The following GABBR2 variants were observed in gnomAD, a reference collection of about 807,000 sequenced individuals.
The protein encoded by GABBR2 is G-protein coupled receptor 51.
A neutral mutation model predicts 105.6 loss-of-function variants in GABBR2; 23 were observed. The observed-to-expected ratio is 0.22, with a 90% CI of 0.16 to 0.31. GABBR2 has a LOEUF of 0.31. Among genes scored for constraint, GABBR2 ranks in the 10% least tolerant of loss-of-function variants. The pLI is 1.00. For synonymous variants in GABBR2, 478 were observed against 499.7 expected (o/e 0.96, Z 0.58); for missense variants, 734 against 1,245.5 (o/e 0.59, Z 6.18).
chr9:98,519,710 C>CTTT (rs11386577), intron 3 of GABBR2, among the ~76,000 whole-genome samples: 6 of 142,550 alleles, frequency 4.2e-5, no homozygotes, highest in Non-Finnish European at 4.6e-5. Context: ...GAGCCGGCAA[C>CTTT]TTTTTTTTTT....
intron 2 of GABBR2, among the ~76,000 whole-genome samples, chr9:98,556,805 G>T (rs193001355): frequency 3.6e-4 from 55 of 152,340 alleles, no homozygotes; most frequent in African/African-American, 1.3e-3. Context: ...AGCACTTTGG[G>T]AGGCTGAGGT....
intron 1 of GABBR2, among the ~76,000 whole-genome samples, chr9:98,672,456 C>A (rs1295220947): frequency 1.3e-5 from 2 of 152,250 alleles, no homozygotes; most frequent in African/African-American, 4.8e-5. Flanking sequence ...ATTCAAACCA[C>A]TTTCTTCTTC....
intron 14 of GABBR2, among the ~76,000 whole-genome samples, chr9:98,308,507 T>C (rs1830586294): frequency 6.6e-6 from 1 of 152,040 alleles, no homozygotes; most frequent in Admixed American, 6.6e-5. Flanking sequence ...GGAAAAAGGG[T>C]ATTTGCAGAT....
At chr9:98,326,883 C>T (rs759540392) in intron 13 of GABBR2, among the ~76,000 whole-genome samples, 2 of 152,180 alleles carry the variant, frequency 1.3e-5, no homozygotes, top group Non-Finnish European at 2.9e-5. Flanking sequence ...CCTCTTTGTA[C>T]TATATGGGGA....
At chr9:98,503,782 T>C (rs1827450335) in intron 3 of GABBR2, among the ~76,000 whole-genome samples, 1 of 152,246 alleles carries the variant, frequency 6.6e-6, no homozygotes, top group East Asian at 1.9e-4. Flanking sequence ...GTGGTTAGGA[T>C]GCTGGCTGGG....
chr9:98,531,013 G>A (rs1047594324), intron 3 of GABBR2, among the ~76,000 whole-genome samples: 1 of 152,138 alleles, frequency 6.6e-6, no homozygotes. Context: ...CCTGGTGAGG[G>A]TGCTGAGGTC....
chr9:98,617,027 G>A (rs1400836378), intron 1 of GABBR2, among the ~76,000 whole-genome samples: 1 of 152,160 alleles, frequency 6.6e-6, no homozygotes, highest in Non-Finnish European at 1.5e-5. Flanking sequence ...GGTACTGCAT[G>A]TCAGTTCTAA....
chr9:98,305,288 C>T (rs1830533662), intron 15 of GABBR2, among the ~76,000 whole-genome samples: 1 of 151,870 alleles, frequency 6.6e-6, no homozygotes, highest in Non-Finnish European at 1.5e-5. Context: ...TTTTTTGGAC[C>T]CAACAATACT....
chr9:98,368,631 A>T lies in GABBR2; in HGVS notation c.1770+2833T>A, dbSNP rs1175472418. Among the ~76,000 whole-genome samples, 3 of 152,240 alleles carry T rather than the reference A, an allele frequency of 2.0e-5. No individual in the cohort carries two copies. The East Asian group carries it at 5.8e-4, about 29-fold the overall frequency. ...GACGGTTGATGTGTTCTTGCTTGGC[A>T]GTCATGTTAGAGAGCATAAAGGCAG... On this transcript the variant is annotated intron_variant, in intron 12 of 18. Transcript: ENST00000259455.
chr9:98,373,630 C>T (rs1258473079), intron 11 of GABBR2, among the ~76,000 whole-genome samples: 1 of 152,188 alleles, frequency 6.6e-6, no homozygotes, highest in Non-Finnish European at 1.5e-5. Context: ...GACCTCAGCA[C>T]ACTTGTAAAG....
intron 1 of GABBR2, among the ~76,000 whole-genome samples, chr9:98,621,688 A>T (rs1161064097): frequency 6.6e-6 from 1 of 152,192 alleles, no homozygotes; most frequent in Non-Finnish European, 1.5e-5. Flanking sequence ...CTCATTTCTG[A>T]ATCATAAACT....
intron 13 of GABBR2, among the ~76,000 whole-genome samples, chr9:98,346,859 C>G (rs529360430): frequency 5.1e-4 from 77 of 152,260 alleles, no homozygotes; most frequent in Non-Finnish European, 1.0e-3. Flanking sequence ...ACTTATTTCA[C>G]TTAACATAAT....
At chr9:98,601,551 T>C (rs1429327343) in intron 1 of GABBR2, among the ~76,000 whole-genome samples, 1 of 152,024 alleles carries the variant, frequency 6.6e-6, no homozygotes, top group Non-Finnish European at 1.5e-5. Flanking sequence ...AATAAATAAA[T>C]CAATAAACAA....
intron 7 of GABBR2, among the ~76,000 whole-genome samples, chr9:98,452,721 C>T (rs1416816912): frequency 6.6e-6 from 1 of 152,174 alleles, no homozygotes; most frequent in Non-Finnish European, 1.5e-5. Flanking sequence ...TGCTTATTTT[C>T]CCAACTTCCA....
intron 3 of GABBR2, among the ~76,000 whole-genome samples, chr9:98,525,968 G>A (rs1189305734): frequency 6.6e-6 from 1 of 152,186 alleles, no homozygotes; most frequent in Non-Finnish European, 1.5e-5. Flanking sequence ...CAAATCTATA[G>A]AGACAGAAAG....
intron 1 of GABBR2, among the ~76,000 whole-genome samples, chr9:98,626,775 G>A (rs1161184613): frequency 2.6e-5 from 4 of 152,244 alleles, no homozygotes; most frequent in Non-Finnish European, 4.4e-5. Context: ...TCTGCTCTGC[G>A]ATGCAGTGGC....
Position 98,502,067 on chromosome 9 carries a change from C to T in GABBR2, c.631-5553G>A, listed in dbSNP as rs576945188. Among the ~76,000 whole-genome samples the T allele has an allele frequency of 5.3e-5, 8 of 152,236 alleles. 1 individual carries two copies. Among genetic ancestry groups the T allele is most frequent in the Middle Eastern group, 6.8e-3 (2 of 294 alleles). Reference sequence around the variant, plus strand: ...CTTCGTTCCTGCAACTGACTGAGCACACAACCTCCGTCCACACACTAGACA... The same window carrying T: ...CTTCGTTCCTGCAACTGACTGAGCATACAACCTCCGTCCACACACTAGACA... On this transcript the variant is annotated intron_variant, in intron 3 of 18. Transcript: ENST00000259455.
chr9:98,514,542 C>T (rs999316187), intron 3 of GABBR2, among the ~76,000 whole-genome samples: 8 of 149,438 alleles, frequency 5.4e-5, no homozygotes, highest in African/African-American at 7.4e-5. Context: ...AGCAAACTAT[C>T]GCAAGGACAA....
chr9:98,522,447 A>C (rs1034070516), intron 3 of GABBR2, among the ~76,000 whole-genome samples: 1 of 152,172 alleles, frequency 6.6e-6, no homozygotes, highest in African/African-American at 2.4e-5. Context: ...TATGAGTATC[A>C]AAAATAAAGA....
Sources: gnomAD v4.1 joint callset for allele counts (sites outside exome capture counted in the v4.1 genomes callset) on GRCh38, gnomAD v4.1.1 for gene constraint, MANE v1.5 for transcripts, NCBI Gene and HGNC (gene_info 2026-07-23, HGNC 2026-07-21) for gene names.